Variants in OPHN1 observed in about 807,000 individuals in gnomAD.
OPHN1 encodes the protein oligophrenin 1.
OPHN1 carries 11 observed loss-of-function variants against 60.7 expected under a neutral mutation model. The ratio of observed to expected loss-of-function variants is 0.18; its 90% CI spans 0.11 to 0.30. The LOEUF (loss-of-function observed/expected upper bound fraction) is 0.30. OPHN1 is among the 10% of genes least tolerant of loss of function. The pLI is 1.00. For missense variants in OPHN1, 449 were observed against 611.0 expected (o/e 0.73, Z 2.80); for synonymous variants, 226 against 222.6 (o/e 1.02, Z -0.14).
At chrX:68,103,994 GT>G (rs1246927159) in intron 18 of OPHN1, among the ~76,000 whole-genome samples, 1 of 111,914 alleles carries the variant, frequency 8.9e-6, no homozygotes, top group Non-Finnish European at 1.9e-5. Context: ...CAAAATCAAT[GT>G]GCAAAAATCA....
At chrX:68,217,112 T>C (rs921912102) in intron 6 of OPHN1, among the ~76,000 whole-genome samples, 1 of 111,782 alleles carries the variant, frequency 8.9e-6, no homozygotes, top group African/African-American at 3.2e-5. Flanking sequence ...ATTGCCTCAC[T>C]TGGGAAGCGC....
intron 15 of OPHN1, among the ~76,000 whole-genome samples, chrX:68,147,605 G>GTT (rs757667886): frequency 5.5e-4 from 61 of 111,543 alleles, no homozygotes; most frequent in South Asian, 1.9e-3. Flanking sequence ...ATAGCACCCA[G>GTT]TTTATAAGAG....
chrX:68,168,926 C>A (rs1400025590), intron 15 of OPHN1, among the ~76,000 whole-genome samples: 1 of 111,474 alleles, frequency 9.0e-6, no homozygotes, highest in Non-Finnish European at 1.9e-5. Context: ...AATTCCTCGA[C>A]ACATACACCC....
intron 6 of OPHN1, among the ~76,000 whole-genome samples, chrX:68,220,511 A>C (rs2077649217): frequency 9.7e-6 from 1 of 102,991 alleles, no homozygotes; most frequent in Non-Finnish European, 2.0e-5. Context: ...TCCTTGATGA[A>C]CATTGATGCA....
intron 15 of OPHN1, among the ~76,000 whole-genome samples, chrX:68,137,326 T>A (rs2077224767): frequency 8.9e-6 from 1 of 112,027 alleles, no homozygotes; most frequent in Non-Finnish European, 1.9e-5. Flanking sequence ...AATGTGTACC[T>A]GTCTCTATCC....
intron 10 of OPHN1, among the ~76,000 whole-genome samples, 193 bp downstream of exon 10, chrX:68,206,380 C>T (rs1161186883): frequency 9.0e-6 from 1 of 111,711 alleles, no homozygotes; most frequent in African/African-American, 3.3e-5. Context: ...AAAAGGCTTG[C>T]TCTAATCAAC....
intron 8 of OPHN1, among the ~76,000 whole-genome samples, chrX:68,211,753 G>A (rs2077585608): frequency 8.9e-6 from 1 of 112,278 alleles, no homozygotes; most frequent in South Asian, 3.7e-4. Context: ...TCTACAGTGA[G>A]AGTGTTTTGA....
intron 9 of OPHN1, among the ~76,000 whole-genome samples, chrX:68,207,479 C>T (rs1014402627): frequency 9.0e-6 from 1 of 111,190 alleles, no homozygotes; most frequent in African/African-American, 3.3e-5. Flanking sequence ...TTTTAAAAAA[C>T]AAAAATTTAC....
rs192805532 is a variant in OPHN1, at chrX:68,226,819, C to T, written c.486+7668G>A. 3.3e-3 allele frequency among the ~76,000 whole-genome samples: 373 copies of T among 111,727 alleles called. 1 individual carries two copies. The highest frequency in any genetic ancestry group is 0.011 in the African/African-American group (352 of 30,775). On this transcript the variant is annotated intron_variant, in intron 6 of 24. Transcript: ENST00000355520. ...CATCAAGGCTAGGAAGAAACTGCAT[C>T]AACTAACGAGCAAAATAACCAGCGA...
chrX:68,378,201 ATG>A (rs1210874478), intron 2 of OPHN1, among the ~76,000 whole-genome samples: 2 of 112,075 alleles, frequency 1.8e-5, no homozygotes, highest in Non-Finnish European at 3.8e-5. Flanking sequence ...GCATTTTTTC[ATG>A]TGTCTTTTGG....
At chrX:68,187,242 G>C (rs1418950699) in intron 15 of OPHN1, among the ~76,000 whole-genome samples, 1 of 111,958 alleles carries the variant, frequency 8.9e-6, no homozygotes, top group African/African-American at 3.2e-5. Context: ...CTGGGAATAT[G>C]TTAAGTCACA....
intron 2 of OPHN1, among the ~76,000 whole-genome samples, chrX:68,308,686 G>A (rs1423070143): frequency 1.8e-5 from 2 of 112,238 alleles, no homozygotes; most frequent in South Asian, 3.7e-4. Context: ...TTTGGCTAAC[G>A]TTGCTATTAA....
At chrX:68,065,433 C>T (rs778518871) in intron 20 of OPHN1, among the ~76,000 whole-genome samples, 1 of 111,373 alleles carries the variant, frequency 9.0e-6, no homozygotes, top group Non-Finnish European at 1.9e-5. Flanking sequence ...GTTGGGGGAA[C>T]GGGTAGGGGT....
chrX:68,206,286 T>G (rs1363203997), intron 10 of OPHN1, among the ~76,000 whole-genome samples: 1 of 111,673 alleles, frequency 9.0e-6, no homozygotes, highest in Non-Finnish European at 1.9e-5. Flanking sequence ...TTAAAAGTAA[T>G]TCATCCATAT....
chrX:68,080,169 G>A (rs1273952438), intron 19 of OPHN1, among the ~76,000 whole-genome samples: 1 of 111,990 alleles, frequency 8.9e-6, no homozygotes, highest in Admixed American at 9.5e-5. Flanking sequence ...AGCACACAAA[G>A]TACTCAATAA....
At chrX:68,108,159 G>A (rs188950142) in intron 18 of OPHN1, among the ~76,000 whole-genome samples, 1 of 112,206 alleles carries the variant, frequency 8.9e-6, no homozygotes, top group East Asian at 2.8e-4. Context: ...ATCAGTGTCA[G>A]CCCTTTCAAG....
rs139332997 is a variant in OPHN1, at chrX:68,383,378, G to T, written c.154+49489C>A. Reference sequence around the variant, plus strand: ...AGGCCAAGGTGGGCAGATCACCTGAGGTCAGGAGTTTGAGACCAGCCTGGC... The same window carrying T: ...AGGCCAAGGTGGGCAGATCACCTGATGTCAGGAGTTTGAGACCAGCCTGGC... On this transcript the variant is annotated intron_variant, in intron 2 of 24. Transcript: ENST00000355520. Among the ~76,000 whole-genome samples, 405 of 109,002 alleles carry T rather than the reference G, an allele frequency of 3.7e-3. 1 individual carries two copies. Among genetic ancestry groups the T allele is most frequent in the South Asian group, 0.01 (25 of 2,426 alleles). The allele number at this position is 109,002 out of a possible 115,157, so 94.7% of individuals were successfully genotyped here.
chrX:68,227,526 T>A (rs985023269), intron 6 of OPHN1, among the ~76,000 whole-genome samples: 1 of 111,395 alleles, frequency 9.0e-6, no homozygotes, highest in Non-Finnish European at 1.9e-5. Flanking sequence ...CCTCAGCACA[T>A]GTAAAAGAAC....
At chrX:68,347,693 C>T (rs1257031547) in intron 2 of OPHN1, among the ~76,000 whole-genome samples, 1 of 111,451 alleles carries the variant, frequency 9.0e-6, no homozygotes, top group African/African-American at 3.3e-5. Context: ...TCAGCTGGCT[C>T]TCATGGCCTA....
Sources: gnomAD v4.1 joint callset for allele counts (sites outside exome capture counted in the v4.1 genomes callset) on GRCh38, gnomAD v4.1.1 for gene constraint, MANE v1.5 for transcripts, NCBI Gene and HGNC (gene_info 2026-07-23, HGNC 2026-07-21) for gene names.